KBTBD12: variants seen among roughly 807,000 people sequenced by gnomAD.
KBTBD12 encodes the protein kelch repeat and BTB domain containing 12.
Under a neutral mutation model 58.7 loss-of-function variants are expected in KBTBD12, and 53 were observed. That is an observed-to-expected ratio of 0.90 (90% CI 0.72 to 1.14). The LOEUF is 1.14. KBTBD12 is among the 50% of genes most tolerant of loss of function. The pLI is 0.00. For synonymous variants in KBTBD12, 236 were observed against 259.8 expected (o/e 0.91, Z 0.88); for missense variants, 704 against 751.3 (o/e 0.94, Z 0.74).
At chr3:127,981,632 A>T (rs1940874172) in intron 5 of KBTBD12, among the ~76,000 whole-genome samples, 1 of 152,090 alleles carries the variant, frequency 6.6e-6, no homozygotes, top group African/African-American at 2.4e-5. Context: ...TGTGATACAT[A>T]CCCAGGTTTA....
intron 4 of KBTBD12, among the ~76,000 whole-genome samples, chr3:127,931,126 G>A (rs1939690817): frequency 6.6e-6 from 1 of 152,118 alleles, no homozygotes; most frequent in Non-Finnish European, 1.5e-5. Context: ...GAAGATGATG[G>A]ATAGCAAAGA....
intron 4 of KBTBD12, among the ~76,000 whole-genome samples, chr3:127,942,737 T>C (rs1939983480): frequency 6.7e-6 from 1 of 149,918 alleles, no homozygotes; most frequent in Non-Finnish European, 1.5e-5. Flanking sequence ...GTCCATCTTG[T>C]GTTGCTGTAA....
At chr3:127,972,426 CTGATG>C (rs529106964) in intron 5 of KBTBD12, among the ~76,000 whole-genome samples, 9 of 151,402 alleles carry the variant, frequency 5.9e-5, no homozygotes, top group African/African-American at 2.2e-4. Flanking sequence ...AAGAGCCTGG[CTGATG>C]TCTGTTGGGT....
chr3:127,979,324 G>T (rs1399051323), intron 5 of KBTBD12, among the ~76,000 whole-genome samples: 1 of 152,212 alleles, frequency 6.6e-6, no homozygotes, highest in Non-Finnish European at 1.5e-5. Context: ...CTTTAAAGCA[G>T]TCTCTAAGAC....
chr3:127,938,724 C>T (rs1939879661), intron 4 of KBTBD12, among the ~76,000 whole-genome samples: 1 of 152,086 alleles, frequency 6.6e-6, no homozygotes, highest in South Asian at 2.1e-4. Context: ...TAAAAGAAAG[C>T]TGGTATAGCT....
At chr3:127,964,773 C>T (rs1446138805) in intron 5 of KBTBD12, among the ~76,000 whole-genome samples, 3 of 152,040 alleles carry the variant, frequency 2.0e-5, no homozygotes, top group South Asian at 4.1e-4. Context: ...TGAAAGTTGC[C>T]ATAATAAAAA....
chr3:127,971,142 GAC>G (rs1940676037), intron 5 of KBTBD12, among the ~76,000 whole-genome samples: 2 of 152,126 alleles, frequency 1.3e-5, no homozygotes, highest in Admixed American at 1.3e-4. Context: ...GGCTTCCTGA[GAC>G]AGAGAAGACA....
In KBTBD12 at chr3:127,973,629, A is replaced by G. The variant is rs559649962; in HGVS notation, c.1690+10243A>G. ...TATTATGCCTGTAATTGATTTTTCA[A>G]GGTTTCAGGAAAAAAAAAGTGTGTG... On this transcript the variant is annotated intron_variant, in intron 5 of 5. Transcript: ENST00000405109. 1.0e-4 allele frequency among the ~76,000 whole-genome samples: 15 copies of G among 146,820 alleles called. No homozygotes were observed. The South Asian group carries it at 3.5e-3, about 34-fold the overall frequency.
intron 4 of KBTBD12, among the ~76,000 whole-genome samples, chr3:127,946,513 G>A (rs1175350417): frequency 6.6e-6 from 1 of 152,138 alleles, no homozygotes. Context: ...TGGTTCCTTT[G>A]AAGGTAATGT....
rs1939210159 is a variant in KBTBD12, at chr3:127,915,541, C to T, written c.-158C>T. The T allele has an allele frequency of 6.6e-6, 1 of 152,346 alleles. No individual in the cohort carries two copies. The highest frequency in any genetic ancestry group is 2.4e-5 in the African/African-American group (1 of 41,476). 9.4% of individuals were successfully genotyped at this position (152,346 alleles called of 1,614,324 possible). The stretch of plus-strand genomic sequence containing the variant: ...CCACACGGTAGCGTCCAAGCCAGGT[C>T]GTGGCCCAGCGAGTGGGGACGCGCC... On this transcript the variant is annotated 5_prime_UTR_variant, in exon 1 of 6. Coordinates refer to ENST00000405109, the MANE Select transcript of KBTBD12 (RefSeq NM_207335.4).
intron 5 of KBTBD12, among the ~76,000 whole-genome samples, chr3:127,973,187 A>G (rs566919263): frequency 1.3e-5 from 2 of 152,342 alleles, no homozygotes; most frequent in East Asian, 1.9e-4. Flanking sequence ...ACTTGTGTCC[A>G]GTCAAACCTC....
rs74447551 is a variant in KBTBD12, at chr3:127,949,942, A to G, written c.1493-13247A>G. Among the ~76,000 whole-genome samples the G allele has an allele frequency of 8.3e-3, 1,271 of 152,332 alleles. 17 individuals carry two copies. Among genetic ancestry groups the G allele is most frequent in the African/African-American group, 0.027 (1,136 of 41,568 alleles). ...CCTCTGACTTAATAGCATTTTATAA[A>G]TAGTTTTACAGGGTAATCACTAAAT... On this transcript the variant is annotated intron_variant, in intron 4 of 5. Transcript: ENST00000405109.
chr3:127,930,700 C>G (rs914555248), intron 4 of KBTBD12, among the ~76,000 whole-genome samples: 18 of 152,162 alleles, frequency 1.2e-4, no homozygotes, highest in Admixed American at 1.3e-4. Context: ...TGCCAATCCT[C>G]ATTTTGCCTA....
rs1939358289 is a variant in KBTBD12, at chr3:127,919,972, T to C, written c.-112-2978T>C. On this transcript the variant is annotated intron_variant, in intron 1 of 5. Coordinates refer to ENST00000405109, the MANE Select transcript of KBTBD12 (RefSeq NM_207335.4). ...ATGTCTTGGATACCCACCAAACAGC[T>C]GGAGAAATTAAACATTTATACAGTT... 2.0e-5 allele frequency among the ~76,000 whole-genome samples: 3 copies of C among 152,210 alleles called. No homozygotes were observed. In the South Asian group the frequency reaches 6.2e-4, roughly 31 times the overall value.
rs1356136258 is a variant in KBTBD12, at chr3:127,979,119, C to CA, written c.1691-4971dup. The stretch of plus-strand genomic sequence containing the variant: ...TTGATTTTCTGCTAATACAAATAAA[C>CA]AAAAAAATCAACATTTTCCACAGGA... On this transcript the variant is annotated intron_variant, in intron 5 of 5. Transcript: ENST00000405109. Among the ~76,000 whole-genome samples, 4 of 152,116 alleles carry CA rather than the reference C, an allele frequency of 2.6e-5. No individual in the cohort carries two copies. In the South Asian group the frequency reaches 6.2e-4, roughly 24 times the overall value.
intron 4 of KBTBD12, among the ~76,000 whole-genome samples, chr3:127,948,946 CCTGT>C (rs1940145747): frequency 6.6e-6 from 1 of 152,172 alleles, no homozygotes; most frequent in South Asian, 2.1e-4. Flanking sequence ...TAGCTTAATA[CCTGT>C]CTGGCATATA....
Position 127,923,202 on chromosome 3 carries a change from G to T in KBTBD12, c.141G>T (p.Leu47=). The change falls in exon 2 of 6, where the codon CTG becomes CTT. Residue 47 remains leucine (L), a synonymous_variant. Transcript: ENST00000405109. ...AEGEKFPCHR[L]VLAAFSPYFK... The stretch of plus-strand genomic sequence containing the variant: ...GAGAGAAATTTCCTTGCCACAGACT[G>T]GTCCTGGCTGCATTTAGCCCTTATT... The T allele has an allele frequency of 6.2e-7, 1 of 1,613,840 alleles. No individual in the cohort carries two copies.
chr3:127,985,121 CA>C lies in KBTBD12; in HGVS notation c.*844del, dbSNP rs1232860838. The C allele has an allele frequency of 6.6e-6, 1 of 152,304 alleles. No individual in the cohort carries two copies. The highest frequency in any genetic ancestry group is 1.5e-5 in the Non-Finnish European group (1 of 68,158). 9.4% of individuals were successfully genotyped at this position (152,304 alleles called of 1,614,324 possible). A position where few individuals can be genotyped will look rare whatever the true frequency, so the allele number is the denominator to read the frequency against. On this transcript the variant is annotated 3_prime_UTR_variant, in exon 6 of 6. Transcript: ENST00000405109. ...GGGAGTGTCCTGGAGTGGGCTGACC[CA>C]GGCTGCCTTTGCCCACCTCTCAGAC...
At chr3:127,938,353 G>A (rs1299197892) in intron 4 of KBTBD12, among the ~76,000 whole-genome samples, 1 of 152,106 alleles carries the variant, frequency 6.6e-6, no homozygotes, top group Non-Finnish European at 1.5e-5. Flanking sequence ...GAGGACCAAG[G>A]AAAGGATTAA....
Sources: gnomAD v4.1 joint callset for allele counts (sites outside exome capture counted in the v4.1 genomes callset) on GRCh38, gnomAD v4.1.1 for gene constraint, MANE v1.5 for transcripts, NCBI Gene and HGNC (gene_info 2026-07-23, HGNC 2026-07-21) for gene names.